DNER: variants seen among roughly 807,000 people sequenced by gnomAD.
DNER encodes the protein delta and Notch-like epidermal growth factor-related receptor.
Under a neutral mutation model 78.2 loss-of-function variants are expected in DNER, and 33 were observed. The ratio of observed to expected loss-of-function variants is 0.42; its 90% confidence interval spans 0.32 to 0.56. The LOEUF is 0.56. Ranked by LOEUF, DNER falls within the 20% of genes least tolerant of loss-of-function variation. DNER has a pLI of 0.11. For synonymous variants in DNER, 417 were observed against 384.8 expected (o/e 1.08, Z -0.98); for missense variants, 918 against 975.3 (o/e 0.94, Z 0.78).
At chr2:229,421,520 A>T (rs1204600972) in intron 8 of DNER, among the ~76,000 whole-genome samples, 1 of 150,042 alleles carries the variant, frequency 6.7e-6, no homozygotes, top group Non-Finnish European at 1.5e-5. Context: ...CACTATCTGT[A>T]TATCTATATC....
chr2:229,610,313 G>A (rs146621703), intron 1 of DNER, among the ~76,000 whole-genome samples: 5 of 152,308 alleles, frequency 3.3e-5, no homozygotes, highest in Middle Eastern at 3.4e-3. Flanking sequence ...GCCTCACAGC[G>A]CATGGACACG....
chr2:229,513,989 C>T (rs11352585), intron 5 of DNER, among the ~76,000 whole-genome samples: 2,645 of 149,264 alleles, frequency 0.018, 83 homozygotes, highest in East Asian at 0.13. Flanking sequence ...CAGTACCCCC[C>T]ATAAGTACAA....
intron 4 of DNER, among the ~76,000 whole-genome samples, chr2:229,561,315 G>T (rs1351656117): frequency 1.3e-5 from 2 of 152,064 alleles, no homozygotes; most frequent in Non-Finnish European, 2.9e-5. Context: ...AATATCATTT[G>T]CTCTAGGGAA....
chr2:229,618,230 T>A (rs561194196), intron 1 of DNER, among the ~76,000 whole-genome samples: 3 of 151,868 alleles, frequency 2.0e-5, no homozygotes, highest in African/African-American at 7.3e-5. Context: ...AGTCTGGAGG[T>A]AGGTGGAAAT....
At chr2:229,414,692 A>C (rs1481052478) in intron 9 of DNER, among the ~76,000 whole-genome samples, 6 of 152,188 alleles carry the variant, frequency 3.9e-5, no homozygotes, top group African/African-American at 1.2e-4. Context: ...AGAGTGGTGG[A>C]CACAGCCTAG....
chr2:229,452,640 A>AT (rs1694485867), intron 7 of DNER, among the ~76,000 whole-genome samples: 2 of 151,972 alleles, frequency 1.3e-5, no homozygotes, highest in Non-Finnish European at 2.9e-5. Flanking sequence ...TTATTTATTT[A>AT]TTTTTTGAGA....
chr2:229,552,800 A>T (rs970473225), intron 4 of DNER, among the ~76,000 whole-genome samples: 1 of 152,196 alleles, frequency 6.6e-6, no homozygotes, highest in African/African-American at 2.4e-5. Flanking sequence ...GATCCATACC[A>T]TCATCTGCCT....
At chr2:229,519,712 G>A (rs898863747) in intron 5 of DNER, among the ~76,000 whole-genome samples, 5 of 152,136 alleles carry the variant, frequency 3.3e-5, no homozygotes, top group African/African-American at 1.2e-4. Flanking sequence ...GATGCGTGTG[G>A]GGAGGCCCTT....
intron 6 of DNER, among the ~76,000 whole-genome samples, chr2:229,501,105 G>C (rs1194166292): frequency 6.6e-6 from 1 of 152,064 alleles, no homozygotes; most frequent in Non-Finnish European, 1.5e-5. Context: ...TAGAAGTAGA[G>C]AGAATGGTGA....
At chr2:229,593,351 G>A (rs1255022464) in intron 1 of DNER, among the ~76,000 whole-genome samples, 1 of 151,978 alleles carries the variant, frequency 6.6e-6, no homozygotes, top group Non-Finnish European at 1.5e-5. Context: ...GCACCTGCTG[G>A]ACCCCTGCCC....
At position 229,531,140 on chromosome 2, in the gene DNER, G is replaced by A. The variant is rs576301686; in HGVS notation, c.993+15807C>T. Among the ~76,000 whole-genome samples the A allele has an allele frequency of 3.3e-5, 5 of 152,298 alleles. No homozygotes were observed. The South Asian group carries it at 1.0e-3, about 32-fold the overall frequency. ...ACAAAGCATAACCTGAGAATGAGCA[G>A]ATATGTCAGCTCTGCCCTAGCCTAG... On this transcript the variant is annotated intron_variant, in intron 5 of 12. Transcript: ENST00000341772.
At chr2:229,380,481 G>A (rs1257289717) in intron 11 of DNER, among the ~76,000 whole-genome samples, 1 of 152,122 alleles carries the variant, frequency 6.6e-6, no homozygotes, top group Non-Finnish European at 1.5e-5. Context: ...AACTTTCCCA[G>A]GAAAAGAAGC....
At chr2:229,688,156 C>T (rs553737385) in intron 1 of DNER, among the ~76,000 whole-genome samples, 4 of 152,346 alleles carry the variant, frequency 2.6e-5, no homozygotes, top group East Asian at 1.9e-4. Flanking sequence ...ATACACCAAA[C>T]GGACCTTCCT....
chr2:229,672,980 C>A (rs6761364), intron 1 of DNER, among the ~76,000 whole-genome samples: 2 of 152,288 alleles, frequency 1.3e-5, no homozygotes, highest in Admixed American at 6.5e-5. Flanking sequence ...GAGAGCCGCC[C>A]TGTGCACTGC....
rs375731741 is a variant in DNER, at chr2:229,391,282, TTATTA to T, written c.1724-2891_1724-2887del. Among the ~76,000 whole-genome samples the T allele has an allele frequency of 7.6e-4, 116 of 152,344 alleles. 1 individual carries two copies. In the East Asian group the frequency reaches 0.02, roughly 26 times the overall value. ...CAATCAATATTCGTTTTAACTTATT[TTATTA>T]TAAGAGTTCTTAGTATACAGTATTA... On this transcript the variant is annotated intron_variant, in intron 10 of 12. Coordinates refer to ENST00000341772, the MANE Select transcript of DNER (RefSeq NM_139072.4).
chr2:229,465,982 T>A (rs1694796928), intron 7 of DNER, among the ~76,000 whole-genome samples: 1 of 152,154 alleles, frequency 6.6e-6, no homozygotes, highest in Non-Finnish European at 1.5e-5. Flanking sequence ...CACTTCTCTC[T>A]ATCTCCATTG....
At chr2:229,628,631 T>C (rs1164640870) in intron 1 of DNER, among the ~76,000 whole-genome samples, 2 of 152,140 alleles carry the variant, frequency 1.3e-5, no homozygotes, top group African/African-American at 2.4e-5. Flanking sequence ...AGCTCTGTGG[T>C]GGAATGAAGG....
intron 1 of DNER, among the ~76,000 whole-genome samples, chr2:229,664,153 T>G (rs570971700): frequency 2.5e-4 from 38 of 152,360 alleles, no homozygotes; most frequent in African/African-American, 7.5e-4. Context: ...ATTTGCCTTT[T>G]TTCAGTTACA....
At position 229,591,517 on chromosome 2, in the gene DNER, G is replaced by T; in HGVS notation, c.585+63C>A. The T allele has an allele frequency of 2.0e-6, 3 of 1,523,024 alleles. No individual in the cohort carries two copies. Among genetic ancestry groups the T allele is most frequent in the Admixed American group, 2.1e-5 (1 of 47,464 alleles). The allele number at this position is 1,523,024 out of a possible 1,614,324, so 94.3% of individuals were successfully genotyped here. A position where few individuals can be genotyped will look rare whatever the true frequency, so the allele number is the denominator to read the frequency against. ...ATTTTTAATTGCTGATACTAGAACCGCTGGAGTCACTTTAAGATTTCTGGT... is the reference window on the plus strand; with the variant it reads ...ATTTTTAATTGCTGATACTAGAACCTCTGGAGTCACTTTAAGATTTCTGGT... On this transcript the variant is annotated intron_variant, in intron 2 of 12. Transcript: ENST00000341772. This position sits in a 1 kb window ranked among gnomAD's most constrained non-coding sequence, Gnocchi z 4.6.
Sources: allele counts gnomAD v4.1 joint callset (sites outside exome capture counted in the v4.1 genomes callset), GRCh38; gene constraint gnomAD v4.1.1; non-coding constraint Gnocchi (gnomAD v3.1); transcripts MANE v1.5; gene names NCBI Gene and HGNC (gene_info 2026-07-23, HGNC 2026-07-21).